The following SAMD11 variants were observed in gnomAD, a reference collection of about 807,000 sequenced individuals.
SAMD11 encodes the protein sterile alpha motif domain-containing protein 11.
SAMD11 carries 77 observed loss-of-function variants against 64.4 expected under a neutral mutation model. The observed-to-expected ratio is 1.20, with a 90% confidence interval of 0.99 to 1.44. SAMD11 has a LOEUF of 1.44. Among genes scored for constraint, SAMD11 ranks in the 40% most tolerant of loss-of-function variants. SAMD11 has a pLI of 0.00. For missense variants in SAMD11, 1,402 were observed against 943.3 expected, an observed-to-expected ratio of 1.49 and a Z score of -6.37; for synonymous variants, 658 against 421.9, an observed-to-expected ratio of 1.56 and a Z score of -6.86.
chr1:942,728 C>A lies in SAMD11; in HGVS notation c.1723C>A (p.Pro575Thr). 6.8e-7 allele frequency: 1 copy of A among 1,470,312 alleles called. No individual in the cohort carries two copies. Among genetic ancestry groups the A allele is most frequent in the Non-Finnish European group, 8.9e-7 (1 of 1,120,874 alleles). The allele number at this position is 1,470,312 out of a possible 1,614,324, so 91.1% of individuals were successfully genotyped here. A position where few individuals can be genotyped will look rare whatever the true frequency, so the allele number is the denominator to read the frequency against. The change falls in exon 11 of 14, where the codon CCC becomes ACC. Residue 575 changes from proline to threonine, a missense_variant. Pro to Thr is a conservative substitution (Grantham distance 38, BLOSUM62 -1). Coordinates refer to ENST00000616016, the MANE Select transcript of SAMD11 (RefSeq NM_001385641.1). ...HGAAPLLALPPQGPPGSGPPT... is the reference protein window; with the variant it reads ...HGAAPLLALPTQGPPGSGPPT... ...CGCGGCGCCACTGCTGGCCCTGCCC[C>A]CCCAGGGGCCCCCGGGCTCCGGACC...
rs6672356 is a variant in SAMD11 at position 942,451 on chromosome 1, T to C, written c.1516T>C (p.Trp506Arg). ...LPPAQAEMFAWQQELLRKQNL... is the reference protein window; with the variant it reads ...LPPAQAEMFARQQELLRKQNL... ...CCCCGCGCAGGCGGAGATGTTCGCC[T>C]GGCAGCAGGAGCTCCTGCGGAAGCA... Residue 506 changes from tryptophan to arginine, a missense_variant, in exon 10 of 14, where the codon TGG becomes CGG. Transcript: ENST00000616016. The C allele has an allele frequency of 1, 1,487,956 of 1,488,110 alleles. 743,902 individuals are homozygous for C. Among genetic ancestry groups the C allele is most frequent in the Middle Eastern group, 1 (4,246 of 4,246 alleles). The allele number at this position is 1,488,110 out of a possible 1,614,324, so 92.2% of individuals were successfully genotyped here. A position where few individuals can be genotyped will look rare whatever the true frequency, so the allele number is the denominator to read the frequency against.
At chr1:928,980 G>A (rs541596799) in intron 2 of SAMD11, among the ~76,000 whole-genome samples, 1 of 152,320 alleles carries the variant, frequency 6.6e-6, no homozygotes, top group South Asian at 2.1e-4. Context: ...GGAGACCCTG[G>A]TGACTGAACG....
Position 931,051 on chromosome 1 carries a change from C to A in SAMD11, c.804C>A (p.His268Gln). ...TCCCTTCCTGCAGAGTCCACACCCA[C>A]TGGGACGTGAACATCTCTTTCCGAG... ...IRIMKRRVHT[H>Q]WDVNISFREA... is the part of the protein sequence containing the mutation. The change falls in exon 4 of 14, where the codon CAC becomes CAA. Residue 268 changes from histidine to glutamine, a missense_variant. Coordinates refer to ENST00000616016, the MANE Select transcript of SAMD11 (RefSeq NM_001385641.1). 1.2e-6 allele frequency: 2 copies of A among 1,613,012 alleles called. No individual in the cohort carries two copies. Among genetic ancestry groups the A allele is most frequent in the South Asian group, 2.2e-5 (2 of 91,082 alleles).
At chr1:926,633 G>A (rs1640904502) in intron 2 of SAMD11, among the ~76,000 whole-genome samples, 3 of 152,186 alleles carry the variant, frequency 2.0e-5, no homozygotes, top group African/African-American at 7.2e-5. Context: ...GACAGCTATG[G>A]ACACCCTCAC....
At chr1:928,103 G>T (rs2100297423) in intron 2 of SAMD11, among the ~76,000 whole-genome samples, 1 of 152,372 alleles carries the variant, frequency 6.6e-6, no homozygotes, top group Non-Finnish European at 1.5e-5. Context: ...CAAAAGAAGG[G>T]AGGTGGGAGG....
At position 943,311 on chromosome 1, in the gene SAMD11, C is replaced by T. The variant is rs745574657; in HGVS notation, c.2112C>T (p.Thr704=). ...GEEAPAPEDV[T]KWTVDDVCSF... ...AGGCCCCAGCCCCTGAGGACGTCAC[C>T]AAGTGGACCGTGGATGACGTCTGCA... is the stretch of plus-strand genomic sequence containing the variant. Residue 704 remains threonine, a synonymous_variant, in exon 12 of 14, where the codon ACC becomes ACT. Transcript: ENST00000616016. 1.2e-6 allele frequency: 2 copies of T among 1,611,916 alleles called. No individual in the cohort carries two copies. The highest frequency in any genetic ancestry group is 1.1e-5 in the South Asian group (1 of 91,022).
At position 943,692 on chromosome 1, in the gene SAMD11, T is replaced by C; in HGVS notation, c.2179-6T>C. 2.3e-6 allele frequency: 3 copies of C among 1,309,896 alleles called. No homozygotes were observed. The highest frequency in any genetic ancestry group is 3.1e-6 in the Non-Finnish European group (3 of 961,072). 81.1% of individuals were successfully genotyped at this position (1,309,896 alleles called of 1,614,324 possible). On this transcript the variant is annotated splice_polypyrimidine_tract_variant and splice_region_variant and intron_variant, in intron 12 of 13. Coordinates refer to ENST00000616016, the MANE Select transcript of SAMD11 (RefSeq NM_001385641.1). ...GGTCCTGACCCTCCCTCCCTCCCCCTTCCAGGTCTTCAGGGAGCAGGGGAT... is the reference window on the plus strand; with the variant it reads ...GGTCCTGACCCTCCCTCCCTCCCCCCTCCAGGTCTTCAGGGAGCAGGGGAT...
Position 944,043 on chromosome 1 carries a change from T to A in SAMD11, c.2425T>A (p.Ser809Thr), listed in dbSNP as rs558379044. The stretch of plus-strand genomic sequence containing the variant: ...GCCCTTGTCCCCCACGACGGCCACG[T>A]CCCCCTATGGAGGGGGCCACGCCCT... ...EQPLSPTTAT[S>T]PYGGGHALAG... Residue 809 changes from serine (S) to threonine (T), a missense_variant, in exon 14 of 14, where the codon TCC (serine) becomes ACC (threonine). Coordinates refer to ENST00000616016, the MANE Select transcript of SAMD11 (RefSeq NM_001385641.1). 26 of 1,612,706 alleles carry A rather than the reference T, an allele frequency of 1.6e-5. No homozygotes were observed. The highest frequency in any genetic ancestry group is 2.1e-5 in the Non-Finnish European group (25 of 1,179,934).
chr1:938,881 G>A (rs532378526), intron 5 of SAMD11, among the ~76,000 whole-genome samples, 159 bp from the exon 6 acceptor site: 62 of 152,258 alleles, frequency 4.1e-4, no homozygotes, highest in African/African-American at 1.3e-3. Flanking sequence ...TGTCCTCTGC[G>A]CTGAAGGCTG....
intron 2 of SAMD11, 133 bp downstream of exon 2, chr1:926,146 G>A (rs1336826800): frequency 2.7e-5 from 23 of 837,070 alleles, no homozygotes; most frequent in Non-Finnish European, 4.3e-5. Flanking sequence ...CCTCCGAAGG[G>A]CAGGGGGAAG....
chr1:925,920 A>G lies in SAMD11; in HGVS notation c.518-2A>G. The G allele has an allele frequency of 6.2e-7, 1 of 1,608,368 alleles. No individual in the cohort carries two copies. Among genetic ancestry groups the G allele is most frequent in the Non-Finnish European group, 8.5e-7 (1 of 1,177,476 alleles). On this transcript the variant is annotated splice_acceptor_variant, in intron 1 of 13. Transcript: ENST00000616016. LOFTEE classifies it high-confidence loss of function. ...CAGGGTCTGCCTCGGCTCTGCTCGC[A>G]GGGAAAAGTCTGAAGACGCTTATGT... is the stretch of plus-strand genomic sequence containing the variant.
chr1:925,236 G>C (rs1033923787), intron 1 of SAMD11: 1 of 152,316 alleles, frequency 6.6e-6, no homozygotes, highest in African/African-American at 2.4e-5. Flanking sequence ...AAGTTTACGG[G>C]GACTCGAGAG....
chr1:942,757 C>T lies in SAMD11; in HGVS notation c.1752C>T (p.Pro584=), dbSNP rs992819326. Residue 584 remains proline (P), a synonymous_variant, in exon 11 of 14, where the codon CCC becomes CCT. Coordinates refer to ENST00000616016, the MANE Select transcript of SAMD11 (RefSeq NM_001385641.1). ...AGGGGCCCCCGGGCTCCGGACCCCC[C>T]ACCCCGTCCCGGGACTCTGCCCGGC... ...PPQGPPGSGP[P]TPSRDSARRA... 1.7e-5 allele frequency: 26 copies of T among 1,518,174 alleles called. No homozygotes were observed. Among genetic ancestry groups the T allele is most frequent in the Non-Finnish European group, 2.1e-5 (24 of 1,136,870 alleles). 94.0% of individuals were successfully genotyped at this position (1,518,174 alleles called of 1,614,324 possible).
chr1:933,437 C>T (rs1055880004), intron 4 of SAMD11, among the ~76,000 whole-genome samples: 5 of 152,182 alleles, frequency 3.3e-5, no homozygotes, highest in Non-Finnish European at 7.4e-5. Flanking sequence ...AGCTATTAGG[C>T]CCTCCCTCAC....
At chr1:937,096 G>A (rs1180669083) in intron 5 of SAMD11, among the ~76,000 whole-genome samples, 2 of 152,154 alleles carry the variant, frequency 1.3e-5, no homozygotes, top group Non-Finnish European at 2.9e-5. Flanking sequence ...CCCGTGTCCA[G>A]GTCTCCCATA....
chr1:930,032 T>G, intron 2 of SAMD11, 123 bp from the exon 3 acceptor site: 1 of 1,178,462 alleles, frequency 8.5e-7, no homozygotes, highest in Non-Finnish European at 1.2e-6. Flanking sequence ...GGGCTCGGCC[T>G]GGGGTGCGAG....
rs144010167 is a variant in SAMD11, at chr1:931,058, G to A, written c.811G>A (p.Val271Met). The change falls in exon 4 of 14, where the codon GTG becomes ATG. Residue 271 changes from valine to methionine, a missense_variant. Coordinates refer to ENST00000616016, the MANE Select transcript of SAMD11 (RefSeq NM_001385641.1). ...CTGCAGAGTCCACACCCACTGGGAC[G>A]TGAACATCTCTTTCCGAGAGGCGTC... Reference protein sequence around the residue: ...MKRRVHTHWDVNISFREASCS... With the variant: ...MKRRVHTHWDMNISFREASCS... 143 of 1,612,954 alleles carry A rather than the reference G, an allele frequency of 8.9e-5. No homozygotes were observed. The Admixed American group carries it at 1.9e-3, about 22-fold the overall frequency.
chr1:926,120 G>C, intron 2 of SAMD11, 107 bp downstream of exon 2: 1 of 1,117,578 alleles, frequency 8.9e-7, no homozygotes, highest in South Asian at 1.3e-5. Context: ...CACCCCTGCG[G>C]GTGTGCTGGA....
chr1:942,631 G>A lies in SAMD11; in HGVS notation c.1626G>A (p.Glu542=), dbSNP rs1641856491. 3.5e-6 allele frequency: 5 copies of A among 1,439,914 alleles called. No individual in the cohort carries two copies. Among genetic ancestry groups the A allele is most frequent in the East Asian group, 3.1e-5 (1 of 32,548 alleles). The allele number at this position is 1,439,914 out of a possible 1,614,324, so 89.2% of individuals were successfully genotyped here. Reference sequence around the variant, plus strand: ...CGCGCCCACAGCTGCTGGCGCCCGAGACCGCCCTGCGCCCCAACGACGGCG... The same window carrying A: ...CGCGCCCACAGCTGCTGGCGCCCGAAACCGCCCTGCGCCCCAACGACGGCG... ...ESARPQLLAP[E]TALRPNDGAE... is the part of the protein sequence containing the mutation. Residue 542 remains glutamate, a synonymous_variant, in exon 11 of 14, where the codon GAG becomes GAA. Coordinates refer to ENST00000616016, the MANE Select transcript of SAMD11 (RefSeq NM_001385641.1).
Sources: gnomAD v4.1 joint callset for allele counts (sites outside exome capture counted in the v4.1 genomes callset) on GRCh38, gnomAD v4.1.1 for gene constraint, MANE v1.5 for transcripts, NCBI Gene and HGNC (gene_info 2026-07-23, HGNC 2026-07-21) for gene names.